PDIA6: variants seen among roughly 807,000 people sequenced by gnomAD.
PDIA6 encodes protein disulfide isomerase family A member 6.
A neutral mutation model predicts 58.4 loss-of-function variants in PDIA6; 29 were observed. The observed-to-expected ratio is 0.50, with a 90% CI of 0.37 to 0.68. The LOEUF (loss-of-function observed/expected upper bound fraction) is 0.68, where lower values mean the gene tolerates loss of function less well. Ranked by LOEUF, PDIA6 falls within the 30% of genes least tolerant of loss-of-function variation. PDIA6 has a pLI of 0.00. For synonymous variants in PDIA6, 192 were observed against 202.6 expected (o/e 0.95, Z 0.44); for missense variants, 480 against 551.0 (o/e 0.87, Z 1.29).
chr2:10,817,961 A>G (rs1402758871), intron 2 of PDIA6, among the ~76,000 whole-genome samples: 2 of 152,158 alleles, frequency 1.3e-5, no homozygotes, highest in Non-Finnish European at 2.9e-5. Context: ...CCACAGAATG[A>G]ACAGGGTAGA....
At position 10,793,198 on chromosome 2, in the gene PDIA6, G is replaced by A; in HGVS notation, c.351C>T (p.Gly117=). Residue 117 remains glycine, a synonymous_variant, in exon 5 of 13, where the codon GGC becomes GGT. Transcript: ENST00000272227. ...NKNRPEDYQG[G]RTGEAIVDAA... ...CATCTACAATGGCTTCACCAGTTCT[G>A]CCACCTACAGGAGACGGAAGGTAGG... 6.2e-7 allele frequency: 1 copy of A among 1,609,750 alleles called. No individual in the cohort carries two copies. Among genetic ancestry groups the A allele is most frequent in the Non-Finnish European group, 8.5e-7 (1 of 1,177,650 alleles).
intron 1 of PDIA6, among the ~76,000 whole-genome samples, chr2:10,805,404 G>A: frequency 6.4e-5 from 4 of 62,290 alleles, no homozygotes; most frequent in African/African-American, 1.2e-4. Flanking sequence ...AAAAAGTCAG[G>A]AAACAACAGG....
chr2:10,816,361 T>G (rs1006909099), upstream of PDIA6, among the ~76,000 whole-genome samples: 3 of 150,356 alleles, frequency 2.0e-5, no homozygotes, highest in African/African-American at 7.3e-5. Context: ...GCTGGGATTA[T>G]AGGCGTGGGC....
upstream of PDIA6, among the ~76,000 whole-genome samples, chr2:10,835,515 G>T (rs1667814170): frequency 6.6e-6 from 1 of 152,330 alleles, no homozygotes; most frequent in African/African-American, 2.4e-5. Flanking sequence ...GCAAGAGCTG[G>T]AGGCCTGAAG....
intron 1 of PDIA6, among the ~76,000 whole-genome samples, chr2:10,828,802 C>T (rs1279485327): frequency 1.3e-5 from 2 of 152,232 alleles, no homozygotes; most frequent in African/African-American, 4.8e-5. Flanking sequence ...CAAATGACCC[C>T]TGGCTCTGGC....
At position 10,795,100 on chromosome 2, in the gene PDIA6, C is replaced by T. The variant is rs1666211738; in HGVS notation, c.347-1898G>A. On this transcript the variant is annotated intron_variant, in intron 4 of 12. Coordinates refer to ENST00000272227, the MANE Select transcript of PDIA6 (RefSeq NM_005742.4). ...TGCTCCTTATCTATGTCAGGTATTT[C>T]CGTCATCTGAACCACTGCCCCTTCC... is the stretch of plus-strand genomic sequence containing the variant. Among the ~76,000 whole-genome samples the T allele has an allele frequency of 3.9e-5, 6 of 152,172 alleles. No individual in the cohort carries two copies. In the South Asian group the frequency reaches 1.2e-3, roughly 32 times the overall value.
chr2:10,799,533 C>G (rs185124481), intron 2 of PDIA6, among the ~76,000 whole-genome samples: 1 of 152,144 alleles, frequency 6.6e-6, no homozygotes, highest in Non-Finnish European at 1.5e-5. Flanking sequence ...AGGTAGAAGT[C>G]GTAATTATTA....
chr2:10,787,510 A>G (rs1665827570), intron 10 of PDIA6, 71 bp from the exon 11 acceptor site: 1 of 1,313,046 alleles, frequency 7.6e-7, no homozygotes, highest in Admixed American at 2.3e-5. Context: ...AGAAGATCTT[A>G]GAGAACAAAA....
intron 2 of PDIA6, among the ~76,000 whole-genome samples, chr2:10,801,289 T>C (rs1666502031): frequency 6.6e-6 from 1 of 151,978 alleles, no homozygotes; most frequent in Non-Finnish European, 1.5e-5. Context: ...AAAAAAGCGC[T>C]TGCTCTAATC....
chr2:10,788,254 T>G (rs1254221510), intron 10 of PDIA6, among the ~76,000 whole-genome samples: 1 of 152,168 alleles, frequency 6.6e-6, no homozygotes, highest in Non-Finnish European at 1.5e-5. Context: ...GGCACTCCAA[T>G]CACCATGTAA....
intron 1 of PDIA6, among the ~76,000 whole-genome samples, chr2:10,830,027 G>A (rs1022033171): frequency 6.6e-6 from 1 of 152,180 alleles, no homozygotes; most frequent in African/African-American, 2.4e-5. Flanking sequence ...ATGCTTCTCT[G>A]CCCCCCACTA....
intron 1 of PDIA6, among the ~76,000 whole-genome samples, chr2:10,807,038 A>G (rs551755508): frequency 6.6e-6 from 1 of 152,328 alleles, no homozygotes; most frequent in South Asian, 2.1e-4. Flanking sequence ...GCATCTCTGA[A>G]GTTGATCATA....
chr2:10,832,043 G>C (rs1463975033), intron 1 of PDIA6, among the ~76,000 whole-genome samples: 2 of 139,118 alleles, frequency 1.4e-5, no homozygotes, highest in Non-Finnish European at 3.1e-5. Context: ...AAAAAGAGGA[G>C]AGAATTCATT....
At chr2:10,792,032 C>T in intron 5 of PDIA6, 107 bp from the exon 6 acceptor site, 2 of 1,185,828 alleles carry the variant, frequency 1.7e-6, no homozygotes, top group Non-Finnish European at 2.4e-6. Context: ...TAGGGTTTTT[C>T]TTTAGTGAAT....
At chr2:10,834,723 CTT>C (rs1667789290), upstream of PDIA6, among the ~76,000 whole-genome samples, 37 of 50,662 alleles carry the variant, frequency 7.3e-4, no homozygotes, top group Admixed American at 1.3e-3. Context: ...CCCTCCCTCC[CTT>C]CCTTCCCTCC....
intron 1 of PDIA6, among the ~76,000 whole-genome samples, chr2:10,828,296 A>G (rs1165748311): frequency 6.6e-6 from 1 of 152,200 alleles, no homozygotes; most frequent in Non-Finnish European, 1.5e-5. Context: ...TTATCTGTAT[A>G]TCAATTTTTC....
At chr2:10,789,154 C>A (rs1665917826) in intron 8 of PDIA6, among the ~76,000 whole-genome samples, 173 bp from the exon 9 acceptor site, 1 of 152,148 alleles carries the variant, frequency 6.6e-6, no homozygotes, top group Non-Finnish European at 1.5e-5. Context: ...GATTTTTCTG[C>A]TACTGATTCT....
chr2:10,800,087 T>C (rs148634229), intron 2 of PDIA6, among the ~76,000 whole-genome samples: 65 of 152,356 alleles, frequency 4.3e-4, no homozygotes, highest in Non-Finnish European at 6.3e-4. Context: ...ATTGTGACTT[T>C]ATCATGAATG....
At chr2:10,832,478 C>G (rs1667736248) in exon 1 of PDIA6, 1 of 983,962 alleles carries the variant, frequency 1.0e-6, no homozygotes, top group African/African-American at 1.7e-5. Flanking sequence ...CAGCGGGCAC[C>G]CTCGGTTGAG....
Sources: gnomAD v4.1 joint callset for allele counts (sites outside exome capture counted in the v4.1 genomes callset) on GRCh38, gnomAD v4.1.1 for gene constraint, MANE v1.5 for transcripts, NCBI Gene and HGNC (gene_info 2026-07-23, HGNC 2026-07-21) for gene names.